The following PNISR variants were observed in gnomAD, a reference collection of about 807,000 sequenced individuals.
PNISR encodes arginine/serine-rich protein PNISR.
In PNISR, 20 loss-of-function variants were observed where a neutral mutation model predicts 93.4. The ratio of observed to expected loss-of-function variants is 0.21; its 90% CI spans 0.15 to 0.31. The LOEUF is 0.31. Ranked by LOEUF, PNISR falls within the 10% of genes least tolerant of loss-of-function variation. PNISR has a pLI of 1.00. For missense variants in PNISR, 893 were observed against 985.4 expected, an observed-to-expected ratio of 0.91 and a Z score of 1.25; for synonymous variants, 305 against 306.5, an observed-to-expected ratio of 0.99 and a Z score of 0.05.
At chr6:99,402,842 G>A in intron 10 of PNISR, 132 bp from the exon 11 acceptor site, 1 of 619,990 alleles carries the variant, frequency 1.6e-6, no homozygotes, top group Non-Finnish European at 2.6e-6. Flanking sequence ...ATTCGGGGTG[G>A]GGAGAAGTAT....
intron 4 of PNISR, chr6:99,412,334 CAAGAA>C (rs1777047933): frequency 1.5e-6 from 1 of 665,190 alleles, no homozygotes; most frequent in African/African-American, 1.8e-5. Flanking sequence ...AATGAAGAAC[CAAGAA>C]AAGAATCAAA....
At chr6:99,405,898 T>C in intron 8 of PNISR, 133 bp downstream of exon 8, 1 of 546,494 alleles carries the variant, frequency 1.8e-6, no homozygotes, top group Non-Finnish European at 3.2e-6. Context: ...TTGTTTTAAG[T>C]TAAAAGGAGT....
Position 99,409,261 on chromosome 6 carries a change from GGGAGGTGCT to G in PNISR, c.576_584del (p.Ala193_Pro195del). On this transcript the variant is annotated inframe_deletion, in exon 6 of 12. Coordinates refer to ENST00000369239, the MANE Select transcript of PNISR (RefSeq NM_032870.4). ...ATGATGGCCTTTCTCTTCGATTCTG[GGGAGGTGCT>G]GGAGGTCCTGGAGGTCCTGGTTGCC... 1 of 1,613,976 alleles carries G rather than the reference GGGAGGTGCT, an allele frequency of 6.2e-7. No homozygotes were observed. The highest frequency in any genetic ancestry group is 8.5e-7 in the Non-Finnish European group (1 of 1,179,946).
At chr6:99,417,795 C>A in intron 1 of PNISR, among the ~76,000 whole-genome samples, 1 of 151,676 alleles carries the variant, frequency 6.6e-6, no homozygotes. Context: ...GTGAAACCCC[C>A]GTCTCTACTA....
In PNISR at chr6:99,410,836, G is replaced by C; in HGVS notation, c.406C>G (p.Pro136Ala). 1 of 1,614,038 alleles carries C rather than the reference G, an allele frequency of 6.2e-7. No individual in the cohort carries two copies. Among genetic ancestry groups the C allele is most frequent in the South Asian group, 1.1e-5 (1 of 91,074 alleles). Residue 136 changes from proline to alanine, a missense_variant, in exon 5 of 12, where the codon CCT (proline) becomes GCT (alanine). Pro to Ala is a conservative substitution (Grantham distance 27). This residue lies in a region of PNISR where 866 missense variants were observed against 935.1 expected (regional missense o/e 0.93). Coordinates refer to ENST00000369239, the MANE Select transcript of PNISR (RefSeq NM_032870.4). ...TGGTTAAATATATGCCTGTTGTCAGGGGCAAATTCCCCACTGTCCTGACTG... is the reference window on the plus strand; with the variant it reads ...TGGTTAAATATATGCCTGTTGTCAGCGGCAAATTCCCCACTGTCCTGACTG... ...SNSQDSGEFA[P>A]DNRHIFNQNN... is the part of the protein sequence containing the mutation.
chr6:99,419,007 G>A (rs1363998048), intron 1 of PNISR, among the ~76,000 whole-genome samples: 2 of 151,608 alleles, frequency 1.3e-5, no homozygotes, highest in African/African-American at 2.4e-5. Context: ...AAAATTAGCC[G>A]GACATGGTGG....
At chr6:99,409,147 T>C in intron 6 of PNISR, 26 bp downstream of exon 6, 1 of 1,588,878 alleles carries the variant, frequency 6.3e-7, no homozygotes, top group Non-Finnish European at 8.6e-7. Context: ...CCAATTGTGG[T>C]CCACTAAACT....
At chr6:99,407,030 T>A (rs66589177) in intron 7 of PNISR, among the ~76,000 whole-genome samples, 21 of 105,352 alleles carry the variant, frequency 2.0e-4, no homozygotes, top group Admixed American at 5.7e-4. Context: ...GATTTTTTTT[T>A]AAAAAAAGAC....
In PNISR at chr6:99,400,380, AAATAAAT is replaced by A. The variant is rs1298365058; in HGVS notation, c.*153_*159del. ...TTTTAAATTAAAAATCTGCAATTTT[AAATAAAT>A]AATATTATATAGGATTTCTAACATT... On this transcript the variant is annotated 3_prime_UTR_variant, in exon 12 of 12. Transcript: ENST00000369239. The A allele has an allele frequency of 5.2e-6, 6 of 1,156,486 alleles. No homozygotes were observed. The African/African-American group carries it at 9.6e-5, about 18-fold the overall frequency. 71.6% of individuals were successfully genotyped at this position (1,156,486 alleles called of 1,614,324 possible).
chr6:99,415,450 G>T (rs2128490799), intron 2 of PNISR: 1 of 152,270 alleles, frequency 6.6e-6, no homozygotes, highest in Non-Finnish European at 1.5e-5. Flanking sequence ...GGGAGGGAAG[G>T]TACTTTATGT....
At position 99,400,201 on chromosome 6, in the gene PNISR, G is replaced by T; in HGVS notation, c.*339C>A. 2 of 292,374 alleles carry T rather than the reference G, an allele frequency of 6.8e-6. No individual in the cohort carries two copies. Among genetic ancestry groups the T allele is most frequent in the Non-Finnish European group, 1.0e-5 (2 of 192,844 alleles). The allele number at this position is 292,374 out of a possible 1,614,324, so 18.1% of individuals were successfully genotyped here. A position where few individuals can be genotyped will look rare whatever the true frequency, so the allele number is the denominator to read the frequency against. On this transcript the variant is annotated 3_prime_UTR_variant, in exon 12 of 12. Coordinates refer to ENST00000369239, the MANE Select transcript of PNISR (RefSeq NM_032870.4). ...CTGGTTTCACCTACACAGCCACAATGTGCCTCTATAATGAGACAAGCCCTT... is the reference window on the plus strand; with the variant it reads ...CTGGTTTCACCTACACAGCCACAATTTGCCTCTATAATGAGACAAGCCCTT...
intron 1 of PNISR, among the ~76,000 whole-genome samples, chr6:99,417,630 T>G (rs1278307986): frequency 6.6e-6 from 1 of 152,158 alleles, no homozygotes; most frequent in Non-Finnish European, 1.5e-5. Flanking sequence ...CCATCACTTT[T>G]GGTAGCACTC....
intron 3 of PNISR, among the ~76,000 whole-genome samples, chr6:99,414,213 T>A (rs1016487871): frequency 6.6e-6 from 1 of 152,204 alleles, no homozygotes; most frequent in Non-Finnish European, 1.5e-5. Context: ...AATTTTAAAA[T>A]GATATAGCAC....
intron 1 of PNISR, among the ~76,000 whole-genome samples, chr6:99,417,752 G>GGAGAGTAAAGCTT (rs1777895335): frequency 2.6e-5 from 4 of 152,090 alleles, no homozygotes; most frequent in Admixed American, 2.6e-4. Context: ...GATTACCTGA[G>GGAGAGTAAAGCTT]GTCAGGCATT....
intron 2 of PNISR, chr6:99,415,627 G>A (rs1383115595): frequency 1.3e-5 from 2 of 152,110 alleles, no homozygotes; most frequent in African/African-American, 4.8e-5. Flanking sequence ...TCAAGAACCA[G>A]TGACTCACAT....
chr6:99,401,214 T>C lies in PNISR; in HGVS notation c.1744A>G (p.Ile582Val), dbSNP rs1379834446. The change falls in exon 12 of 12, where the codon ATA becomes GTA. Residue 582 changes from isoleucine (I) to valine (V), a missense_variant. By Grantham distance (29) the Ile-to-Val change is conservative. Coordinates refer to ENST00000369239, the MANE Select transcript of PNISR (RefSeq NM_032870.4). ...TTTACCCTAGCCCTATTGCTCTCTA[T>C]TTTAATTCTGCGAGAATAGCTTCTA... The part of the protein sequence containing the change: ...RSRSYSRRIK[I>V]ESNRARVKIR... 1.9e-6 allele frequency: 3 copies of C among 1,613,940 alleles called. No individual in the cohort carries two copies. Among genetic ancestry groups the C allele is most frequent in the Admixed American group, 1.7e-5 (1 of 59,978 alleles).
intron 1 of PNISR, chr6:99,424,944 C>G (rs540908995): frequency 1.6e-5 from 5 of 312,598 alleles, no homozygotes; most frequent in African/African-American, 2.1e-5. Flanking sequence ...GTCAGGAACC[C>G]AACAATTAGT....
At chr6:99,405,490 C>T (rs556149382) in intron 8 of PNISR, among the ~76,000 whole-genome samples, 24 of 151,996 alleles carry the variant, frequency 1.6e-4, no homozygotes, top group African/African-American at 5.3e-4. Flanking sequence ...ATAAATATTC[C>T]GAAATCATAC....
In PNISR at chr6:99,400,363, TA is replaced by T. The variant is rs1775298823; in HGVS notation, c.*176del. Reference sequence around the variant, plus strand: ...TTAAAAATAAAAATGTATTTTAAATTAAAAATCTGCAATTTTAAATAAATAA... The same window carrying T: ...TTAAAAATAAAAATGTATTTTAAATTAAAATCTGCAATTTTAAATAAATAA... On this transcript the variant is annotated 3_prime_UTR_variant, in exon 12 of 12. Coordinates refer to ENST00000369239, the MANE Select transcript of PNISR (RefSeq NM_032870.4). The T allele has an allele frequency of 8.5e-7, 1 of 1,170,374 alleles. No homozygotes were observed. Among genetic ancestry groups the T allele is most frequent in the Admixed American group, 4.2e-5 (1 of 24,076 alleles). 72.5% of individuals were successfully genotyped at this position (1,170,374 alleles called of 1,614,324 possible).
Sources: gnomAD v4.1 joint callset for allele counts (sites outside exome capture counted in the v4.1 genomes callset) on GRCh38, gnomAD v4.1.1 for gene constraint, gnomAD v4.1.1 regional missense constraint, MANE v1.5 for transcripts, NCBI Gene and HGNC (gene_info 2026-07-23, HGNC 2026-07-21) for gene names.